The following TCF25 variants were observed in gnomAD, a reference collection of about 807,000 sequenced individuals.
TCF25 encodes the protein ribosome quality control complex subunit TCF25.
TCF25 carries 41 observed loss-of-function variants against 83.1 expected under a neutral mutation model. The ratio of observed to expected loss-of-function variants is 0.49; its 90% confidence interval spans 0.38 to 0.64. The LOEUF (loss-of-function observed/expected upper bound fraction) is 0.64, where lower values mean the gene tolerates loss of function less well. Ranked by LOEUF, TCF25 falls within the 30% of genes least tolerant of loss-of-function variation. The probability of loss-of-function intolerance (pLI) is 0.00; values close to 1 mark genes in which losing one functional copy is unlikely to be tolerated. For synonymous variants in TCF25, 458 were observed against 365.0 expected (o/e 1.25, Z -2.90); for missense variants, 979 against 914.5 (o/e 1.07, Z -0.91).
At position 89,885,935 on chromosome 16, in the gene TCF25, T is replaced by A; in HGVS notation, c.517T>A (p.Ser173Thr). 1 of 1,610,992 alleles carries A rather than the reference T, an allele frequency of 6.2e-7. No individual in the cohort carries two copies. The highest frequency in any genetic ancestry group is 8.5e-7 in the Non-Finnish European group (1 of 1,179,912). ...LNRPGPAPLS[S>T]RKHVLYVEHR... Reference sequence around the variant, plus strand: ...CCGTCCCGGCCCAGCTCCCCTGAGCTCCAGGAAGCACGTTCTCTACGTGGA... The same window carrying A: ...CCGTCCCGGCCCAGCTCCCCTGAGCACCAGGAAGCACGTTCTCTACGTGGA... Residue 173 changes from serine (S) to threonine (T), a missense_variant, in exon 4 of 18, where the codon TCC (serine) becomes ACC (threonine). Coordinates refer to ENST00000263346, the MANE Select transcript of TCF25 (RefSeq NM_014972.3).
intron 11 of TCF25, 68 bp downstream of exon 11, chr16:89,898,940 C>A: frequency 1.3e-6 from 2 of 1,488,262 alleles, no homozygotes; most frequent in Non-Finnish European, 9.3e-7. Context: ...TTTCTTGGTT[C>A]AGTATCTGTG....
chr16:89,890,953 C>G (rs1037283348), intron 5 of TCF25, among the ~76,000 whole-genome samples: 1 of 152,124 alleles, frequency 6.6e-6, no homozygotes, highest in Non-Finnish European at 1.5e-5. Flanking sequence ...CCTGCTCCTC[C>G]AAGACAAAGA....
chr16:89,911,119 C>T lies in TCF25; in HGVS notation c.1912C>T (p.Arg638Cys), dbSNP rs750255134. The T allele has an allele frequency of 1.2e-6, 2 of 1,611,582 alleles. No individual in the cohort carries two copies. Among genetic ancestry groups the T allele is most frequent in the Non-Finnish European group, 8.5e-7 (1 of 1,179,914 alleles). The change falls in exon 18 of 18, where the codon CGC becomes TGC. Residue 638 changes from arginine to cysteine, a missense_variant. Transcript: ENST00000263346. ...GGAAGGAGTGGCTGGGGGTCTGAAC[C>T]GCAACCAGGGCCTGAACAGGCTGAT... ...PEEGVAGGLN[R>C]NQGLNRLMLA... is the part of the protein sequence containing the mutation.
chr16:89,892,264 A>ACAG lies in TCF25; in HGVS notation c.689_691dup (p.Ser230dup), dbSNP rs762241135. 6.2e-7 allele frequency: 1 copy of ACAG among 1,611,850 alleles called. No homozygotes were observed. Among genetic ancestry groups the ACAG allele is most frequent in the Non-Finnish European group, 8.5e-7 (1 of 1,179,292 alleles). On this transcript the variant is annotated inframe_insertion, in exon 6 of 18. Transcript: ENST00000263346. Reference sequence around the variant, plus strand: ...ACCCCTAAAAGCACCTGGCCCCGCTACAGCAAACCAGGTGAGGGTCTGCAG... The same window carrying ACAG: ...ACCCCTAAAAGCACCTGGCCCCGCTACAGCAGCAAACCAGGTGAGGGTCTGCAG...
chr16:89,898,489 C>G (rs916357726), intron 9 of TCF25, 68 bp from the exon 10 acceptor site: 1 of 1,528,494 alleles, frequency 6.5e-7, no homozygotes, highest in Non-Finnish European at 9.0e-7. Flanking sequence ...GGGTGCTGGC[C>G]GGGGCGCTGA....
At chr16:89,883,236 G>C in intron 1 of TCF25, 115 bp from the exon 2 acceptor site, 1 of 1,405,386 alleles carries the variant, frequency 7.1e-7, no homozygotes, top group Non-Finnish European at 9.7e-7. Context: ...CCAGCGTCTC[G>C]CACTGACCCT....
At chr16:89,900,509 C>T (rs936966269) in intron 11 of TCF25, 126 bp from the exon 12 acceptor site, 2 of 1,115,152 alleles carry the variant, frequency 1.8e-6, no homozygotes, top group Non-Finnish European at 2.5e-6. Context: ...GGAAGAGGCC[C>T]TTGCGTTGCC....
chr16:89,908,231 TCAGTTCC>T (rs2045132521), intron 16 of TCF25, among the ~76,000 whole-genome samples: 1 of 27,906 alleles, frequency 3.6e-5, no homozygotes, highest in Non-Finnish European at 6.9e-5. Flanking sequence ...CTCCCTCCTC[TCAGTTCC>T]CACCTCCCAG....
intron 4 of TCF25, among the ~76,000 whole-genome samples, chr16:89,886,798 G>A (rs972576766): frequency 1.3e-5 from 2 of 151,746 alleles, no homozygotes; most frequent in Admixed American, 6.6e-5. Context: ...TTAGCTGGAT[G>A]TGGTGGTGGG....
chr16:89,878,626 G>A (rs1413118106), intron 1 of TCF25: 7 of 1,136,718 alleles, frequency 6.2e-6, no homozygotes, highest in East Asian at 7.3e-5. Context: ...CACAGCTTTT[G>A]GGTAGGTAAT....
In TCF25 at chr16:89,910,635, G is replaced by C. The variant is rs139941545; in HGVS notation, c.1844G>C (p.Arg615Pro). Residue 615 changes from arginine to proline, a missense_variant, in exon 17 of 18, where the codon CGG becomes CCG. Coordinates refer to ENST00000263346, the MANE Select transcript of TCF25 (RefSeq NM_014972.3). ...GGAAACACCATTGCTCTCTTCTTCC[G>C]GTCACTGTTGCCAAACTATACCATG... is the stretch of plus-strand genomic sequence containing the variant. ...SHGNTIALFFRSLLPNYTMEG... is the reference protein window; with the variant it reads ...SHGNTIALFFPSLLPNYTMEG... The C allele has an allele frequency of 6.2e-7, 1 of 1,613,584 alleles. No homozygotes were observed. The highest frequency in any genetic ancestry group is 1.1e-5 in the South Asian group (1 of 91,086).
chr16:89,896,948 G>T (rs1185086397), intron 9 of TCF25, among the ~76,000 whole-genome samples: 1 of 151,976 alleles, frequency 6.6e-6, no homozygotes, highest in Non-Finnish European at 1.5e-5. Flanking sequence ...ACTCAAGTGA[G>T]CCCAGGAGGT....
At chr16:89,875,583 C>A (rs2042125503) in intron 1 of TCF25, among the ~76,000 whole-genome samples, 1 of 128,250 alleles carries the variant, frequency 7.8e-6, no homozygotes, top group African/African-American at 3.1e-5. Context: ...AGTGCAGTGG[C>A]ATGATCTCGG....
chr16:89,885,546 A>G (rs1180157491), intron 3 of TCF25, among the ~76,000 whole-genome samples: 1 of 152,170 alleles, frequency 6.6e-6, no homozygotes, highest in African/African-American at 2.4e-5. Flanking sequence ...GTTGCCGTTT[A>G]GTTGGAGCCA....
chr16:89,907,034 C>T (rs897759928), intron 15 of TCF25, among the ~76,000 whole-genome samples: 3 of 152,068 alleles, frequency 2.0e-5, no homozygotes, highest in African/African-American at 2.4e-5. Context: ...CATCTCGACT[C>T]CCGTGAGTGT....
In TCF25 at chr16:89,875,369, G is replaced by T. The variant is rs527299147; in HGVS notation, c.192+1510G>T. 2.3e-4 allele frequency among the ~76,000 whole-genome samples: 35 copies of T among 151,938 alleles called. 1 individual carries two copies. The highest frequency in any genetic ancestry group is 4.4e-4 in the Non-Finnish European group (30 of 67,996). ...TTTTTGCTCGTGGAAGCTTGCTATC[G>T]ATTGTCTCTAACGTATTTTCTCGGT... On this transcript the variant is annotated intron_variant, in intron 1 of 17. Coordinates refer to ENST00000263346, the MANE Select transcript of TCF25 (RefSeq NM_014972.3).
At chr16:89,896,261 G>A (rs2144150372) in intron 9 of TCF25, among the ~76,000 whole-genome samples, 178 bp downstream of exon 9, 1 of 152,322 alleles carries the variant, frequency 6.6e-6, no homozygotes, top group South Asian at 2.1e-4. Flanking sequence ...GATTGTCTCA[G>A]CCCAGGTTTA....
At position 89,905,118 on chromosome 16, in the gene TCF25, G is replaced by A. The variant is rs367879410; in HGVS notation, c.1628+22G>A. The stretch of plus-strand genomic sequence containing the variant: ...ACCGGTGAGCTAGGGGTTGACACAA[G>A]CCCTGCCACGCCCCCTCCTCAGGGA... On this transcript the variant is annotated intron_variant, in intron 14 of 17. Transcript: ENST00000263346. 56 of 1,544,040 alleles carry A rather than the reference G, an allele frequency of 3.6e-5. No individual in the cohort carries two copies. In the East Asian group the frequency reaches 5.1e-4, roughly 14 times the overall value.
intron 1 of TCF25, chr16:89,874,882 G>A (rs1001967012): frequency 3.9e-5 from 6 of 151,984 alleles, no homozygotes; most frequent in African/African-American, 1.5e-4. Flanking sequence ...ACAAAGTGCT[G>A]GGACTACAGG....
Sources: gnomAD v4.1 joint callset for allele counts (sites outside exome capture counted in the v4.1 genomes callset) on GRCh38, gnomAD v4.1.1 for gene constraint, MANE v1.5 for transcripts, NCBI Gene and HGNC (gene_info 2026-07-23, HGNC 2026-07-21) for gene names.